Variants in PDE8B observed in about 807,000 individuals in gnomAD.
PDE8B encodes the protein high affinity cAMP-specific and IBMX-insensitive 3',5'-cyclic phosphodiesterase 8B.
A neutral mutation model predicts 101.3 loss-of-function variants in PDE8B; 26 were observed. The ratio of observed to expected loss-of-function variants is 0.26; its 90% CI spans 0.19 to 0.36. PDE8B has a LOEUF of 0.36. Ranked by LOEUF, PDE8B falls within the 10% of genes least tolerant of loss-of-function variation. The pLI is 1.00. For synonymous variants in PDE8B, 424 were observed against 429.3 expected (o/e 0.99, Z 0.15); for missense variants, 810 against 1,163.1 (o/e 0.70, Z 4.42).
intron 1 of PDE8B, among the ~76,000 whole-genome samples, chr5:77,286,291 A>T (rs886424014): frequency 3.9e-5 from 6 of 152,202 alleles, no homozygotes; most frequent in African/African-American, 1.4e-4. Context: ...CTGTGCATGA[A>T]CAGTTCCAGG....
upstream of PDE8B, among the ~76,000 whole-genome samples, chr5:77,207,595 A>C (rs1240726433): frequency 6.6e-6 from 1 of 152,134 alleles, no homozygotes; most frequent in Non-Finnish European, 1.5e-5. Context: ...ATTTTTATCA[A>C]CAGTGTCTGA....
chr5:77,350,863 C>T (rs1780977045), intron 8 of PDE8B, among the ~76,000 whole-genome samples: 1 of 152,220 alleles, frequency 6.6e-6, no homozygotes. Context: ...GACAGACAAC[C>T]TGGTGGTGGA....
chr5:77,347,200 A>G (rs1403845384), intron 7 of PDE8B, among the ~76,000 whole-genome samples: 1 of 152,214 alleles, frequency 6.6e-6, no homozygotes, highest in African/African-American at 2.4e-5. Flanking sequence ...CATTTCACAC[A>G]TACTCATTTA....
the PDE8B span, among the ~76,000 whole-genome samples, chr5:77,096,788 G>A: frequency 1.3e-5 from 2 of 152,302 alleles, no homozygotes; most frequent in African/African-American, 4.8e-5. Flanking sequence ...GTTCCTGGGT[G>A]TCTATGTCCA....
chr5:77,339,813 T>C (rs938992987), intron 6 of PDE8B, among the ~76,000 whole-genome samples: 4 of 152,176 alleles, frequency 2.6e-5, no homozygotes, highest in South Asian at 4.1e-4. Flanking sequence ...CTAGGTCCCA[T>C]GTCAGGTGAC....
chr5:77,361,104 G>A (rs1294860864), intron 10 of PDE8B, among the ~76,000 whole-genome samples: 1 of 152,156 alleles, frequency 6.6e-6, no homozygotes, highest in Non-Finnish European at 1.5e-5. Flanking sequence ...ACTATCATGT[G>A]TGCTCTTGAC....
the PDE8B span, among the ~76,000 whole-genome samples, chr5:77,180,943 C>A: frequency 6.6e-6 from 1 of 151,178 alleles, no homozygotes; most frequent in Non-Finnish European, 1.5e-5. Context: ...GAGTCGCCGG[C>A]AGCCCCAGCG....
chr5:77,238,393 T>G (rs1359564142), intron 1 of PDE8B, among the ~76,000 whole-genome samples: 1 of 152,250 alleles, frequency 6.6e-6, no homozygotes, highest in African/African-American at 2.4e-5. Flanking sequence ...ATTCTATCCT[T>G]TAGTCATCAG....
chr5:77,410,106 C>T (rs74656695), intron 14 of PDE8B, among the ~76,000 whole-genome samples: 7 of 152,228 alleles, frequency 4.6e-5, no homozygotes, highest in Non-Finnish European at 7.3e-5. Context: ...GGGCTCAGCC[C>T]GGGAGGGTTC....
At chr5:77,098,137 G>C in the PDE8B span, among the ~76,000 whole-genome samples, 1 of 151,994 alleles carries the variant, frequency 6.6e-6, no homozygotes. Flanking sequence ...AAAATAAAGA[G>C]GCTTTGCTTT....
chr5:77,323,778 G>A (rs1169646212), intron 2 of PDE8B, among the ~76,000 whole-genome samples: 2 of 152,060 alleles, frequency 1.3e-5, no homozygotes, highest in East Asian at 1.9e-4. Context: ...CCAACATGGC[G>A]AAACCCCATT....
intron 8 of PDE8B, among the ~76,000 whole-genome samples, chr5:77,350,759 G>A (rs1203272483): frequency 2.0e-5 from 3 of 152,328 alleles, no homozygotes; most frequent in African/African-American, 7.2e-5. Flanking sequence ...AAGATTTTGA[G>A]AGAGACCTCC....
chr5:77,423,631 A>AGTTTTTTTTTTTTTTTTT (rs1797205278), intron 20 of PDE8B, among the ~76,000 whole-genome samples: 1 of 26,618 alleles, frequency 3.8e-5, no homozygotes, highest in African/African-American at 1.3e-4. Flanking sequence ...TGTTTTGTTT[A>AGTTTTTTTTTTTTTTTTT]GTTTTTTTTT....
chr5:77,409,516 G>A (rs189059846), intron 14 of PDE8B, among the ~76,000 whole-genome samples: 3 of 152,188 alleles, frequency 2.0e-5, no homozygotes, highest in Admixed American at 2.0e-4. Context: ...TTGTATAGAA[G>A]TTCCATTTAT....
the PDE8B span, among the ~76,000 whole-genome samples, chr5:77,152,480 T>C: frequency 6.6e-6 from 1 of 152,038 alleles, no homozygotes; most frequent in African/African-American, 2.4e-5. Context: ...CAGGCAGGCA[T>C]CTCCTGCACC....
the PDE8B span, among the ~76,000 whole-genome samples, chr5:77,159,481 C>T: frequency 6.6e-5 from 10 of 152,178 alleles, no homozygotes; most frequent in Non-Finnish European, 1.3e-4. Context: ...ACTCCAAGTT[C>T]TTCAGTTTTG....
the PDE8B span, among the ~76,000 whole-genome samples, chr5:77,129,656 A>T: frequency 6.6e-6 from 1 of 152,186 alleles, no homozygotes; most frequent in South Asian, 2.1e-4. Flanking sequence ...ATTGGCCCTG[A>T]TACTTGTCAA....
At chr5:77,398,728 C>T (rs918151578) in intron 10 of PDE8B, among the ~76,000 whole-genome samples, 1 of 152,236 alleles carries the variant, frequency 6.6e-6, no homozygotes, top group Admixed American at 6.5e-5. Context: ...ATGGTTGGCA[C>T]TCAGTTCACC....
At chr5:77,257,916 A>G (rs566053274) in intron 1 of PDE8B, among the ~76,000 whole-genome samples, 49 of 152,112 alleles carry the variant, frequency 3.2e-4, no homozygotes, top group Non-Finnish European at 5.9e-4. Flanking sequence ...TCTTTTCTTA[A>G]TAGCAATTTG....
Sources: gnomAD v4.1 joint callset for allele counts (sites outside exome capture counted in the v4.1 genomes callset) on GRCh38, gnomAD v4.1.1 for gene constraint, MANE v1.5 for transcripts, NCBI Gene and HGNC (gene_info 2026-07-23, HGNC 2026-07-21) for gene names.